The following VPS13C variants were observed in gnomAD, a reference collection of about 807,000 sequenced individuals.
VPS13C encodes the protein intermembrane lipid transfer protein VPS13C.
In VPS13C, 358 loss-of-function variants were observed where a neutral mutation model predicts 456.8. The ratio of observed to expected loss-of-function variants is 0.78; its 90% CI spans 0.72 to 0.86. The LOEUF (loss-of-function observed/expected upper bound fraction) is 0.86. Among genes scored for constraint, VPS13C ranks in the 40% least tolerant of loss-of-function variants. The probability of loss-of-function intolerance (pLI) is 0.00; values close to 1 mark genes in which losing one functional copy is unlikely to be tolerated. For missense variants in VPS13C, 4,818 were observed against 4,385.4 expected, an observed-to-expected ratio of 1.10 and a Z score of -2.79; for synonymous variants, 1,578 against 1,486.7, an observed-to-expected ratio of 1.06 and a Z score of -1.41.
At chr15:61,936,986 T>C (rs895079986) in intron 47 of VPS13C, among the ~76,000 whole-genome samples, 2 of 152,210 alleles carry the variant, frequency 1.3e-5, no homozygotes, top group African/African-American at 4.8e-5. Flanking sequence ...ACACTCTCTA[T>C]GGCTTATCTG....
In VPS13C at chr15:62,023,854, T is replaced by C. The variant is rs992700423; in HGVS notation, c.449-9A>G. The C allele has an allele frequency of 1.2e-6, 2 of 1,607,248 alleles. No homozygotes were observed. The highest frequency in any genetic ancestry group is 1.7e-6 in the Non-Finnish European group (2 of 1,176,154). ...CTTTTTACGTTTACGTCCTTCACAGTGGAAGCATTTTAGTGAGAAAAGGAT... is the reference window on the plus strand; with the variant it reads ...CTTTTTACGTTTACGTCCTTCACAGCGGAAGCATTTTAGTGAGAAAAGGAT... On this transcript the variant is annotated splice_polypyrimidine_tract_variant and intron_variant, in intron 6 of 84. Transcript: ENST00000644861.
At chr15:61,958,932 G>A (rs1389126745) in intron 36 of VPS13C, among the ~76,000 whole-genome samples, 3 of 151,908 alleles carry the variant, frequency 2.0e-5, no homozygotes, top group Admixed American at 6.6e-5. Flanking sequence ...GAAAACCAGT[G>A]TAATTTATCA....
intron 9 of VPS13C, among the ~76,000 whole-genome samples, chr15:62,020,168 G>A (rs2047408652): frequency 6.6e-6 from 1 of 151,632 alleles, no homozygotes; most frequent in South Asian, 2.1e-4. Context: ...CTATACCGAA[G>A]ATGAGTACAT....
chr15:61,983,185 C>CCACA (rs888070617), intron 20 of VPS13C, among the ~76,000 whole-genome samples: 10 of 151,572 alleles, frequency 6.6e-5, no homozygotes, highest in African/African-American at 2.4e-4. Context: ...GTCCCCCCAC[C>CCACA]CACACACACA....
At chr15:62,051,075 A>G (rs2048601609) in intron 1 of VPS13C, among the ~76,000 whole-genome samples, 1 of 152,228 alleles carries the variant, frequency 6.6e-6, no homozygotes, top group South Asian at 2.1e-4. Context: ...ATAATGGCCT[A>G]CAAAATAAAT....
intron 16 of VPS13C, among the ~76,000 whole-genome samples, chr15:61,997,830 C>A (rs1567088440): frequency 6.6e-6 from 1 of 152,160 alleles, no homozygotes; most frequent in African/African-American, 2.4e-5. Context: ...ACTGCTCCCC[C>A]TGTCTTCACT....
chr15:61,982,030 T>A (rs182888592), intron 21 of VPS13C, among the ~76,000 whole-genome samples: 130 of 152,376 alleles, frequency 8.5e-4, no homozygotes, highest in African/African-American at 3.1e-3. Flanking sequence ...ACATAGCTAG[T>A]ACTTTATGTA....
chr15:61,865,509 G>T (rs1894478753), intron 81 of VPS13C: 1 of 969,620 alleles, frequency 1.0e-6, no homozygotes, highest in Non-Finnish European at 1.2e-6. Flanking sequence ...AGTATTAAAT[G>T]ACTATATATA....
intron 66 of VPS13C, among the ~76,000 whole-genome samples, chr15:61,900,933 C>T (rs1249779343): frequency 2.0e-5 from 3 of 151,874 alleles, no homozygotes; most frequent in Admixed American, 6.6e-5. Context: ...TGGAACAGAA[C>T]GGAGCCCTCA....
chr15:62,011,964 A>G, intron 12 of VPS13C, 143 bp downstream of exon 12: 1 of 537,710 alleles, frequency 1.9e-6, no homozygotes, highest in South Asian at 2.1e-5. Flanking sequence ...ATAAGTTATA[A>G]CCCAAACATG....
intron 69 of VPS13C, 97 bp downstream of exon 69, chr15:61,882,499 C>T (rs1895933029): frequency 8.8e-7 from 1 of 1,133,726 alleles, no homozygotes; most frequent in Non-Finnish European, 1.1e-6. Flanking sequence ...AGAAAAGATA[C>T]CAATTACAAT....
At chr15:61,958,521 T>C in intron 37 of VPS13C, 87 bp downstream of exon 37, 1 of 754,214 alleles carries the variant, frequency 1.3e-6, no homozygotes, top group Non-Finnish European at 2.2e-6. Flanking sequence ...TAAACATATA[T>C]TTGTTTACTT....
intron 11 of VPS13C, among the ~76,000 whole-genome samples, chr15:62,012,681 G>T (rs1453345286): frequency 6.6e-6 from 1 of 151,756 alleles, no homozygotes. Flanking sequence ...AAAGATACAT[G>T]CTTTATATCT....
rs778155532 is a variant in VPS13C, at chr15:61,920,623, T to C, written c.7087A>G (p.Lys2363Glu). 2 of 1,583,304 alleles carry C rather than the reference T, an allele frequency of 1.3e-6. No individual in the cohort carries two copies. The highest frequency in any genetic ancestry group is 1.7e-6 in the Non-Finnish European group (2 of 1,171,936). Residue 2363 changes from lysine to glutamate, a missense_variant, in exon 56 of 85, where the codon AAA (lysine) becomes GAA (glutamate). Physicochemically the swap from Lys to Glu is moderately conservative, Grantham distance 56. Transcript: ENST00000644861. ...AAATCATCTCCTGGCAGCAAACTTT[T>C]ATCCTGAACTGGGTTCTTCTTTACC... ...LDVKKNPVQD[K>E]SLLPGDDFIP...
chr15:62,019,819 C>A (rs530122922), intron 9 of VPS13C, among the ~76,000 whole-genome samples: 1 of 151,830 alleles, frequency 6.6e-6, no homozygotes, highest in Admixed American at 6.6e-5. Flanking sequence ...TGGTGCAGAG[C>A]TGAATTCAAT....
intron 24 of VPS13C, among the ~76,000 whole-genome samples, chr15:61,975,020 A>C (rs2045662855): frequency 6.6e-6 from 1 of 152,110 alleles, no homozygotes; most frequent in Non-Finnish European, 1.5e-5. Context: ...AGCTAGTCAT[A>C]AAGCTCTTTC....
At chr15:61,930,279 C>T (rs1474097495) in intron 50 of VPS13C, among the ~76,000 whole-genome samples, 1 of 152,152 alleles carries the variant, frequency 6.6e-6, no homozygotes, top group East Asian at 1.9e-4. Context: ...CTCCCATGAA[C>T]TGGAAAAAGC....
At chr15:62,028,489 A>C in intron 5 of VPS13C, 69 bp from the exon 6 acceptor site, 2 of 1,409,262 alleles carry the variant, frequency 1.4e-6, no homozygotes. Flanking sequence ...TTCACATGTA[A>C]AATATACCTA....
chr15:62,008,826 TTC>T (rs1379123398), intron 13 of VPS13C, 65 bp from the exon 14 acceptor site: 14 of 1,024,898 alleles, frequency 1.4e-5, no homozygotes, highest in East Asian at 5.8e-5. Flanking sequence ...CTAAATTTAA[TTC>T]TATTTTTTAG....
Sources: allele counts gnomAD v4.1 joint callset (sites outside exome capture counted in the v4.1 genomes callset), GRCh38; gene constraint gnomAD v4.1.1; transcripts MANE v1.5; gene names NCBI Gene and HGNC (gene_info 2026-07-23, HGNC 2026-07-21).